MTMR7: variants seen among roughly 807,000 people sequenced by gnomAD.
MTMR7 encodes the protein myotubularin related protein 7.
Under a neutral mutation model 81.2 loss-of-function variants are expected in MTMR7, and 76 were observed. The ratio of observed to expected loss-of-function variants is 0.94; its 90% CI spans 0.78 to 1.13. The LOEUF (loss-of-function observed/expected upper bound fraction) is 1.13. Ranked by LOEUF, MTMR7 falls within the 50% of genes most tolerant of loss-of-function variation. MTMR7 has a pLI of 0.00. For missense variants in MTMR7, 1,044 were observed against 820.0 expected (o/e 1.27, Z -3.34); for synonymous variants, 372 against 289.8 (o/e 1.28, Z -2.88).
chr8:17,310,431 A>C (rs1817721503), intron 9 of MTMR7, among the ~76,000 whole-genome samples: 1 of 152,162 alleles, frequency 6.6e-6, no homozygotes, highest in Admixed American at 6.5e-5. Flanking sequence ...ACAACTCGAG[A>C]CATTTTCTTT....
At chr8:17,409,489 A>C (rs1419004012) in intron 1 of MTMR7, among the ~76,000 whole-genome samples, 1 of 152,126 alleles carries the variant, frequency 6.6e-6, no homozygotes, top group Non-Finnish European at 1.5e-5. Flanking sequence ...AACAAAAAGT[A>C]ATGAATTAAT....
intron 1 of MTMR7, among the ~76,000 whole-genome samples, chr8:17,405,007 A>G (rs1203027495): frequency 6.6e-6 from 1 of 152,102 alleles, no homozygotes. Flanking sequence ...TGTATTTTAT[A>G]TTAGTAGAGA....
At chr8:17,390,478 C>T (rs13267617) in intron 1 of MTMR7, among the ~76,000 whole-genome samples, 58,536 of 151,918 alleles carry the variant, frequency 0.39, 12,400 homozygotes, top group Admixed American at 0.55. Flanking sequence ...TACAATTTGG[C>T]ATAAGATATG....
intron 5 of MTMR7, among the ~76,000 whole-genome samples, chr8:17,343,014 A>AG (rs1250167699): frequency 1.4e-4 from 22 of 152,278 alleles, no homozygotes; most frequent in Admixed American, 4.6e-4. Flanking sequence ...TGGCTTTCAC[A>AG]GGGGTCCTGT....
At position 17,302,705 on chromosome 8, in the gene MTMR7, C is replaced by CG. The variant is rs1235615720; in HGVS notation, c.1494-426_1494-425insC. 7.2e-4 allele frequency among the ~76,000 whole-genome samples: 25 copies of CG among 34,718 alleles called. 2 individuals carry two copies. Among genetic ancestry groups the CG allele is most frequent in the African/African-American group, 1.7e-3 (24 of 14,184 alleles). 22.8% of individuals were successfully genotyped at this position (34,718 alleles called of 152,430 possible). A position where few individuals can be genotyped will look rare whatever the true frequency, so the allele number is the denominator to read the frequency against. ...AGTTGACATTTGCATTGGCAATAAC[C>CG]CCCCCCCCCCCGCTTTTTTTTTTAA... is the stretch of plus-strand genomic sequence containing the variant. On this transcript the variant is annotated intron_variant, in intron 12 of 13. Coordinates refer to ENST00000180173, the MANE Select transcript of MTMR7 (RefSeq NM_004686.5).
In MTMR7 at chr8:17,299,028, C is replaced by CTT. The variant is rs1816924677; in HGVS notation, c.*832_*833dup. 6.6e-6 allele frequency: 1 copy of CTT among 152,286 alleles called. No homozygotes were observed. Among genetic ancestry groups the CTT allele is most frequent in the African/African-American group, 2.4e-5 (1 of 41,556 alleles). 9.4% of individuals were successfully genotyped at this position (152,286 alleles called of 1,614,324 possible). On this transcript the variant is annotated 3_prime_UTR_variant, in exon 14 of 14. Transcript: ENST00000180173. The stretch of plus-strand genomic sequence containing the variant: ...TATCTACTAACTTTATAATGTGATA[C>CTT]TTTGAGATCAGGCTGGTGGCTGGCC...
At chr8:17,304,325 G>C in intron 12 of MTMR7, 54 bp downstream of exon 12, 1 of 1,583,012 alleles carries the variant, frequency 6.3e-7, no homozygotes, top group Non-Finnish European at 8.7e-7. Flanking sequence ...ATGTTAAACG[G>C]TACCAGAATC....
intron 9 of MTMR7, among the ~76,000 whole-genome samples, chr8:17,309,772 C>G (rs1385596898): frequency 6.6e-6 from 1 of 152,166 alleles, no homozygotes; most frequent in Non-Finnish European, 1.5e-5. Flanking sequence ...ATGTGTGATG[C>G]TGCCTCTCAG....
chr8:17,300,790 C>T (rs976559490), intron 13 of MTMR7, among the ~76,000 whole-genome samples: 8 of 152,210 alleles, frequency 5.3e-5, no homozygotes, highest in Non-Finnish European at 1.0e-4. Context: ...TCCCCACAGC[C>T]CCTGGCTACT....
intron 1 of MTMR7, 93 bp from the exon 2 acceptor site, chr8:17,373,333 A>C (rs1242948317): frequency 5.6e-6 from 8 of 1,421,002 alleles, no homozygotes; most frequent in Non-Finnish European, 6.5e-6. Flanking sequence ...ACTTACTCCA[A>C]AATACAATTT....
At chr8:17,326,222 G>A (rs1246439391) in intron 7 of MTMR7, 1 of 152,154 alleles carries the variant, frequency 6.6e-6, no homozygotes, top group South Asian at 2.1e-4. Context: ...GGTAAAAATG[G>A]TGGTTCTACC....
At chr8:17,391,785 T>C (rs1005827113) in intron 1 of MTMR7, among the ~76,000 whole-genome samples, 1 of 152,106 alleles carries the variant, frequency 6.6e-6, no homozygotes, top group Non-Finnish European at 1.5e-5. Context: ...TTTTAATAAA[T>C]GAAAAAGAGG....
chr8:17,405,299 G>A (rs542313338), intron 1 of MTMR7, among the ~76,000 whole-genome samples: 8 of 152,314 alleles, frequency 5.3e-5, no homozygotes, highest in African/African-American at 1.9e-4. Flanking sequence ...GCTGGCAGAA[G>A]ACACAAGACT....
At chr8:17,363,274 A>C (rs1320439490) in intron 3 of MTMR7, among the ~76,000 whole-genome samples, 4 of 152,248 alleles carry the variant, frequency 2.6e-5, no homozygotes, top group Non-Finnish European at 4.4e-5. Context: ...AATGTTAACC[A>C]CAAATGCAAG....
intron 1 of MTMR7, among the ~76,000 whole-genome samples, chr8:17,375,200 C>G (rs1232489641): frequency 6.6e-6 from 1 of 152,112 alleles, no homozygotes; most frequent in Non-Finnish European, 1.5e-5. Flanking sequence ...GAACATTCCT[C>G]AAAACACCAA....
chr8:17,392,364 G>A (rs765272791), intron 1 of MTMR7, among the ~76,000 whole-genome samples: 56 of 152,138 alleles, frequency 3.7e-4, no homozygotes, highest in Non-Finnish European at 1.6e-4. Context: ...ACTTACATAG[G>A]AGGTTACAGT....
intron 8 of MTMR7, among the ~76,000 whole-genome samples, chr8:17,312,312 C>A (rs566382463): frequency 6.6e-6 from 1 of 152,098 alleles, no homozygotes; most frequent in Admixed American, 6.6e-5. Flanking sequence ...CAGTGGCTCA[C>A]GCATGTAATC....
At chr8:17,318,873 G>C (rs943734202) in intron 7 of MTMR7, among the ~76,000 whole-genome samples, 2 of 151,894 alleles carry the variant, frequency 1.3e-5, no homozygotes, top group African/African-American at 4.8e-5. Flanking sequence ...CCAGTGACTT[G>C]TCCTCTGCTC....
At position 17,389,566 on chromosome 8, in the gene MTMR7, T is replaced by C. The variant is rs560539199; in HGVS notation, c.25-16326A>G. Among the ~76,000 whole-genome samples, 281 of 152,342 alleles carry C rather than the reference T, an allele frequency of 1.8e-3. 4 individuals carry two copies. The highest frequency in any genetic ancestry group is 9.1e-3 in the South Asian group (44 of 4,830). On this transcript the variant is annotated intron_variant, in intron 1 of 13. Transcript: ENST00000180173. ...TTTGTAGCCTGATGCCAAGCACAGATGCTAAGTATTTGTTCAATGAATGAA... is the reference window on the plus strand; with the variant it reads ...TTTGTAGCCTGATGCCAAGCACAGACGCTAAGTATTTGTTCAATGAATGAA...
Sources: gnomAD v4.1 joint callset for allele counts (sites outside exome capture counted in the v4.1 genomes callset) on GRCh38, gnomAD v4.1.1 for gene constraint, MANE v1.5 for transcripts, NCBI Gene and HGNC (gene_info 2026-07-23, HGNC 2026-07-21) for gene names.